The following ACSS3 variants were observed in gnomAD, a reference collection of about 807,000 sequenced individuals.
ACSS3 encodes the protein acyl-CoA synthetase short-chain family member 3, mitochondrial.
Under a neutral mutation model 84.2 loss-of-function variants are expected in ACSS3, and 64 were observed. That is an observed-to-expected ratio of 0.76 (90% CI 0.62 to 0.94). The LOEUF (loss-of-function observed/expected upper bound fraction) is 0.94, where lower values mean the gene tolerates loss of function less well. Among genes scored for constraint, ACSS3 ranks in the 40% least tolerant of loss-of-function variants. The pLI, the probability that ACSS3 is intolerant of heterozygous loss-of-function variation, is 0.00. For synonymous variants in ACSS3, 317 were observed against 310.1 expected (o/e 1.02, Z -0.23); for missense variants, 815 against 867.6 (o/e 0.94, Z 0.76).
rs959419774 is a variant in ACSS3, at chr12:81,248,714, G to A, written c.1720-4593G>A. Among the ~76,000 whole-genome samples the A allele has an allele frequency of 6.6e-5, 10 of 151,838 alleles. 1 individual carries two copies. The South Asian group carries it at 2.1e-3, about 32-fold the overall frequency. ...ATAGCTAGAAATTAGGACTTGGAACGTTTTCAACACACAGAAATGATAAAT... is the reference window on the plus strand; with the variant it reads ...ATAGCTAGAAATTAGGACTTGGAACATTTTCAACACACAGAAATGATAAAT... On this transcript the variant is annotated intron_variant, in intron 13 of 15. Transcript: ENST00000548058.
rs1443814783 is a variant in ACSS3 at position 81,100,229 on chromosome 12, T to G, written c.312-9331T>G. 3.3e-5 allele frequency among the ~76,000 whole-genome samples: 5 copies of G among 150,348 alleles called. No individual in the cohort carries two copies. The East Asian group carries it at 9.8e-4, about 29-fold the overall frequency. On this transcript the variant is annotated intron_variant, in intron 1 of 15. Coordinates refer to ENST00000548058, the MANE Select transcript of ACSS3 (RefSeq NM_024560.4). ...GCAAAATTACCAGTTTTTTTTTTTT[T>G]TTTTTTTTTTGAGATGGGGTCTTGC...
At chr12:81,204,521 C>A (rs1215012216) in intron 9 of ACSS3, among the ~76,000 whole-genome samples, 1 of 151,916 alleles carries the variant, frequency 6.6e-6, no homozygotes, top group Non-Finnish European at 1.5e-5. Context: ...TCCTGGAGTC[C>A]CAATGTTTAA....
At chr12:81,132,294 C>T (rs914996050) in intron 2 of ACSS3, among the ~76,000 whole-genome samples, 10 of 152,046 alleles carry the variant, frequency 6.6e-5, no homozygotes, top group Admixed American at 6.6e-5. Context: ...TAATTGTTGC[C>T]TCAATTTCAG....
chr12:81,135,099 T>G, intron 3 of ACSS3, 95 bp downstream of exon 3: 1 of 1,052,420 alleles, frequency 9.5e-7, no homozygotes, highest in Non-Finnish European at 1.3e-6. Context: ...CTATACTTGT[T>G]AGATCCTCCC....
intron 8 of ACSS3, among the ~76,000 whole-genome samples, chr12:81,197,737 C>A (rs1413319723): frequency 1.3e-5 from 2 of 152,130 alleles, no homozygotes; most frequent in African/African-American, 2.4e-5. Context: ...ACAATGACAC[C>A]CTATTTTTCT....
At chr12:81,228,151 A>G (rs1321228281) in intron 11 of ACSS3, among the ~76,000 whole-genome samples, 1 of 151,872 alleles carries the variant, frequency 6.6e-6, no homozygotes, top group Non-Finnish European at 1.5e-5. Context: ...TTCATTGAAC[A>G]GAGGTTTTAA....
intron 8 of ACSS3, among the ~76,000 whole-genome samples, chr12:81,185,357 C>G (rs1347243302): frequency 6.6e-6 from 1 of 151,372 alleles, no homozygotes; most frequent in Non-Finnish European, 1.5e-5. Context: ...AACAATCAGA[C>G]AAGAAAAAGA....
Position 81,116,429 on chromosome 12 carries a change from C to T in ACSS3, c.456+6725C>T, listed in dbSNP as rs532499980. Among the ~76,000 whole-genome samples, 30 of 152,138 alleles carry T rather than the reference C, an allele frequency of 2.0e-4. 1 individual carries two copies. The highest frequency in any genetic ancestry group is 6.7e-4 in the African/African-American group (28 of 41,524). ...CAAAAGAGCAACAATACAACCAATC[C>T]CTTGAATATTCTCAGACAGATCTTT... On this transcript the variant is annotated intron_variant, in intron 2 of 15. Transcript: ENST00000548058.
intron 15 of ACSS3, among the ~76,000 whole-genome samples, chr12:81,254,130 A>G (rs1398002945): frequency 6.6e-6 from 1 of 151,944 alleles, no homozygotes; most frequent in Non-Finnish European, 1.5e-5. Context: ...TGTTCTCACC[A>G]TGTTGCCCAG....
At chr12:81,123,783 C>A (rs1352165953) in intron 2 of ACSS3, among the ~76,000 whole-genome samples, 2 of 152,154 alleles carry the variant, frequency 1.3e-5, no homozygotes, top group African/African-American at 4.8e-5. Context: ...CGTGTTGCTG[C>A]AAAGGACATG....
At chr12:81,122,564 T>C (rs938260239) in intron 2 of ACSS3, among the ~76,000 whole-genome samples, 3 of 152,186 alleles carry the variant, frequency 2.0e-5, no homozygotes, top group Admixed American at 2.0e-4. Context: ...CATATTATGT[T>C]CACTGAAGGA....
intron 5 of ACSS3, among the ~76,000 whole-genome samples, chr12:81,144,380 A>G (rs537468413): frequency 6.6e-6 from 1 of 152,338 alleles, no homozygotes; most frequent in South Asian, 2.1e-4. Flanking sequence ...AAGCCTTATG[A>G]TTTTGTTGCA....
At position 81,096,414 on chromosome 12, in the gene ACSS3, G is replaced by C. The variant is rs568896018; in HGVS notation, c.312-13146G>C. 7.8e-4 allele frequency among the ~76,000 whole-genome samples: 118 copies of C among 152,102 alleles called. 1 individual carries two copies. The highest frequency in any genetic ancestry group is 1.6e-3 in the Non-Finnish European group (108 of 68,008). On this transcript the variant is annotated intron_variant, in intron 1 of 15. Coordinates refer to ENST00000548058, the MANE Select transcript of ACSS3 (RefSeq NM_024560.4). ...GCAGAGAGTCTGGGAGGACACAAAA[G>C]TACACAAAAAAACATGGATACTTAA...
intron 8 of ACSS3, among the ~76,000 whole-genome samples, chr12:81,179,075 A>C (rs1367274007): frequency 6.6e-6 from 1 of 152,124 alleles, no homozygotes; most frequent in Non-Finnish European, 1.5e-5. Flanking sequence ...TGGAGCTAGG[A>C]TAACTGGCTA....
chr12:81,078,529 A>G, intron 1 of ACSS3, 98 bp downstream of exon 1: 2 of 1,361,840 alleles, frequency 1.5e-6, no homozygotes, highest in East Asian at 2.4e-5. Context: ...CTATCACGAA[A>G]GAAAATTGAA....
chr12:81,198,635 A>G (rs903850135), intron 8 of ACSS3, among the ~76,000 whole-genome samples: 2 of 151,222 alleles, frequency 1.3e-5, no homozygotes, highest in Non-Finnish European at 2.9e-5. Context: ...TCAACGAACC[A>G]CTAATGGGGT....
intron 8 of ACSS3, among the ~76,000 whole-genome samples, chr12:81,176,240 C>T (rs2030468663): frequency 6.6e-6 from 1 of 152,106 alleles, no homozygotes; most frequent in Admixed American, 6.5e-5. Flanking sequence ...AAGTAGAAAA[C>T]CTAGAAGAAA....
chr12:81,240,340 C>G (rs547283728), intron 13 of ACSS3, among the ~76,000 whole-genome samples: 1 of 151,990 alleles, frequency 6.6e-6, no homozygotes, highest in East Asian at 1.9e-4. Context: ...GCTCTGAAGT[C>G]TTCTGTGCTT....
intron 7 of ACSS3, among the ~76,000 whole-genome samples, chr12:81,157,931 T>TAC (rs35855433): frequency 0.049 from 7,039 of 144,156 alleles, 191 homozygotes; most frequent in Non-Finnish European, 0.062. Flanking sequence ...GATTACAGAA[T>TAC]ACACACACAC....
Sources: allele counts gnomAD v4.1 joint callset (sites outside exome capture counted in the v4.1 genomes callset), GRCh38; gene constraint gnomAD v4.1.1; transcripts MANE v1.5; gene names NCBI Gene and HGNC (gene_info 2026-07-23, HGNC 2026-07-21).